The following ELMO1 variants were observed in gnomAD, a reference collection of about 807,000 sequenced individuals.
ELMO1 encodes the protein engulfment and cell motility protein 1.
A neutral mutation model predicts 98.9 loss-of-function variants in ELMO1; 26 were observed. That is an observed-to-expected ratio of 0.26 (90% CI 0.19 to 0.36). The LOEUF (loss-of-function observed/expected upper bound fraction) is 0.36. Among genes scored for constraint, ELMO1 ranks in the 10% least tolerant of loss-of-function variants. The pLI, the probability that ELMO1 is intolerant of heterozygous loss-of-function variation, is 1.00. For synonymous variants in ELMO1, 346 were observed against 346.0 expected, an observed-to-expected ratio of 1.00 and a Z score of 0.00; for missense variants, 627 against 935.2, an observed-to-expected ratio of 0.67 and a Z score of 4.30.
chr7:37,433,318 C>T (rs1443820354), intron 1 of ELMO1, among the ~76,000 whole-genome samples: 2 of 152,196 alleles, frequency 1.3e-5, no homozygotes, highest in African/African-American at 2.4e-5. Context: ...GTGAGCCCTC[C>T]AGGCTACTAA....
At chr7:37,192,497 C>CAAAAA (rs535794727) in intron 13 of ELMO1, among the ~76,000 whole-genome samples, 1 of 104,416 alleles carries the variant, frequency 9.6e-6, no homozygotes, top group Admixed American at 1.1e-4. Context: ...GACTCCATCT[C>CAAAAA]AAAAAAAAAA....
chr7:37,412,109 C>T (rs1401151849), intron 1 of ELMO1, among the ~76,000 whole-genome samples: 1 of 152,230 alleles, frequency 6.6e-6, no homozygotes, highest in Non-Finnish European at 1.5e-5. Context: ...TACACATCAT[C>T]ATTCAAACTA....
chr7:37,344,172 C>G (rs4723638), intron 1 of ELMO1, among the ~76,000 whole-genome samples: 1 of 151,568 alleles, frequency 6.6e-6, no homozygotes, highest in African/African-American at 2.4e-5. Flanking sequence ...GCTGGGATTA[C>G]AGACGCACAC....
chr7:36,877,071 C>T (rs750025886), intron 19 of ELMO1, among the ~76,000 whole-genome samples: 3 of 152,142 alleles, frequency 2.0e-5, no homozygotes, highest in Non-Finnish European at 2.9e-5. Flanking sequence ...CTTCAATGGC[C>T]GTGAGCTGTG....
intron 14 of ELMO1, among the ~76,000 whole-genome samples, chr7:37,132,012 G>C (rs1296815410): frequency 2.6e-5 from 4 of 152,116 alleles, no homozygotes; most frequent in Non-Finnish European, 5.9e-5. Context: ...CACACCACTA[G>C]GCATGGTGAC....
intron 16 of ELMO1, among the ~76,000 whole-genome samples, chr7:36,930,299 C>T (rs1191466169): frequency 6.6e-6 from 1 of 152,202 alleles, no homozygotes; most frequent in Non-Finnish European, 1.5e-5. Flanking sequence ...AATTCAAAAG[C>T]TGTATCTTGC....
chr7:37,168,213 T>C (rs1295337153), intron 13 of ELMO1, among the ~76,000 whole-genome samples: 3 of 152,198 alleles, frequency 2.0e-5, no homozygotes, highest in Non-Finnish European at 4.4e-5. Flanking sequence ...TACTTCTCTG[T>C]ATTGGTTATT....
intron 14 of ELMO1, among the ~76,000 whole-genome samples, chr7:37,111,455 C>A (rs368881856): frequency 1.3e-5 from 2 of 152,216 alleles, no homozygotes; most frequent in Admixed American, 6.5e-5. Context: ...TCGGCCACAG[C>A]AGGAGTATTG....
intron 3 of ELMO1, among the ~76,000 whole-genome samples, 153 bp from the exon 4 acceptor site, chr7:37,315,075 T>C (rs1189335901): frequency 6.6e-6 from 1 of 152,212 alleles, no homozygotes; most frequent in Non-Finnish European, 1.5e-5. Context: ...AAAATGACTT[T>C]AGCCTACCTT....
chr7:37,067,309 A>C (rs573575059), intron 15 of ELMO1, among the ~76,000 whole-genome samples: 59 of 152,316 alleles, frequency 3.9e-4, no homozygotes, highest in Non-Finnish European at 7.5e-4. Context: ...ACATGGAAAA[A>C]AGTATCCAGT....
intron 14 of ELMO1, among the ~76,000 whole-genome samples, chr7:37,115,618 A>G (rs1348908875): frequency 6.6e-6 from 1 of 152,192 alleles, no homozygotes; most frequent in Non-Finnish European, 1.5e-5. Context: ...AAGAACATCT[A>G]CATAAAACTT....
chr7:37,116,146 CA>C (rs1342312177), intron 14 of ELMO1, among the ~76,000 whole-genome samples: 8 of 152,090 alleles, frequency 5.3e-5, no homozygotes, highest in Non-Finnish European at 1.5e-5. Context: ...CTTTCCCCTT[CA>C]AAGAAATAAG....
chr7:36,994,673 A>G (rs1792085305), intron 16 of ELMO1, among the ~76,000 whole-genome samples: 1 of 152,214 alleles, frequency 6.6e-6, no homozygotes, highest in Non-Finnish European at 1.5e-5. Context: ...CTCTGTGTAG[A>G]AGCACTCCTG....
chr7:36,868,987 C>T (rs968400114), intron 20 of ELMO1, among the ~76,000 whole-genome samples: 7 of 152,132 alleles, frequency 4.6e-5, no homozygotes, highest in African/African-American at 7.2e-5. Flanking sequence ...ATGGTAATCC[C>T]GGCTAGTGTT....
chr7:37,105,487 T>G (rs1444673082), intron 14 of ELMO1, among the ~76,000 whole-genome samples: 1 of 152,224 alleles, frequency 6.6e-6, no homozygotes, highest in East Asian at 1.9e-4. Context: ...AATAGTTCTC[T>G]AACTTGAGCT....
At chr7:37,162,492 C>T (rs771260921) in intron 13 of ELMO1, among the ~76,000 whole-genome samples, 5 of 152,274 alleles carry the variant, frequency 3.3e-5, no homozygotes, top group East Asian at 1.9e-4. Context: ...TTTTAAACGT[C>T]GTAAACATGC....
intron 1 of ELMO1, among the ~76,000 whole-genome samples, chr7:37,356,636 G>A (rs761043206): frequency 9.2e-5 from 14 of 152,042 alleles, no homozygotes; most frequent in Non-Finnish European, 2.1e-4. Flanking sequence ...GGGAGGGATG[G>A]AATTACGAGA....
intron 15 of ELMO1, among the ~76,000 whole-genome samples, chr7:37,064,917 G>T (rs1796874314): frequency 6.6e-6 from 1 of 152,158 alleles, no homozygotes; most frequent in South Asian, 2.1e-4. Flanking sequence ...GTGTTTGCCA[G>T]TTTCTGTAGT....
chr7:37,261,001 A>T (rs1209584587), intron 5 of ELMO1, among the ~76,000 whole-genome samples: 1 of 152,178 alleles, frequency 6.6e-6, no homozygotes, highest in Admixed American at 6.5e-5. Context: ...TGAAAAGTGT[A>T]TTTTTTCTCC....
Sources: gnomAD v4.1 joint callset for allele counts (sites outside exome capture counted in the v4.1 genomes callset) on GRCh38, gnomAD v4.1.1 for gene constraint, MANE v1.5 for transcripts, NCBI Gene and HGNC (gene_info 2026-07-23, HGNC 2026-07-21) for gene names.